The following MYO1D variants were observed in gnomAD, a reference collection of about 807,000 sequenced individuals.
MYO1D encodes the protein myosin ID, also known as unconventional myosin-Id.
In MYO1D, 83 loss-of-function variants were observed where a neutral mutation model predicts 122.0. The ratio of observed to expected loss-of-function variants is 0.68; its 90% CI spans 0.57 to 0.82. The LOEUF is 0.82. Among genes scored for constraint, MYO1D ranks in the 40% least tolerant of loss-of-function variants. The pLI is 0.00. For synonymous variants in MYO1D, 464 were observed against 446.9 expected, an observed-to-expected ratio of 1.04 and a Z score of -0.48; for missense variants, 1,157 against 1,269.5, an observed-to-expected ratio of 0.91 and a Z score of 1.35.
At chr17:32,836,083 T>C (rs1307271954) in intron 1 of MYO1D, among the ~76,000 whole-genome samples, 1 of 152,230 alleles carries the variant, frequency 6.6e-6, no homozygotes, top group Admixed American at 6.5e-5. Context: ...TTTGGTAAAT[T>C]AGTATTTTAA....
intron 20 of MYO1D, among the ~76,000 whole-genome samples, chr17:32,633,390 C>A (rs559945433): frequency 6.6e-6 from 1 of 152,166 alleles, no homozygotes; most frequent in South Asian, 2.1e-4. Flanking sequence ...CAATGAAGAG[C>A]TCTTCACTCT....
intron 19 of MYO1D, among the ~76,000 whole-genome samples, chr17:32,653,364 T>C (rs568162537): frequency 1.3e-5 from 2 of 151,814 alleles, no homozygotes; most frequent in East Asian, 3.9e-4. Flanking sequence ...CCCAGCACTT[T>C]AGGAGGCTGA....
At chr17:32,545,311 G>T (rs2086957065) in intron 21 of MYO1D, among the ~76,000 whole-genome samples, 1 of 152,200 alleles carries the variant, frequency 6.6e-6, no homozygotes, top group Non-Finnish European at 1.5e-5. Context: ...GGGTTATACA[G>T]GGTAAGTGAG....
chr17:32,790,713 T>C (rs750069181), intron 1 of MYO1D, among the ~76,000 whole-genome samples: 27 of 152,188 alleles, frequency 1.8e-4, no homozygotes, highest in Non-Finnish European at 5.9e-5. Context: ...TCACAGAATA[T>C]ATGGGTCTCA....
chr17:32,679,829 G>A (rs1022965426), intron 16 of MYO1D, among the ~76,000 whole-genome samples: 1 of 150,890 alleles, frequency 6.6e-6, no homozygotes, highest in South Asian at 2.1e-4. Context: ...GGATGGCATT[G>A]AATCTGTAAA....
At chr17:32,630,858 C>A (rs776161559) in intron 20 of MYO1D, among the ~76,000 whole-genome samples, 1 of 152,148 alleles carries the variant, frequency 6.6e-6, no homozygotes. Context: ...CAGGCATGAG[C>A]CACCACGCCC....
At chr17:32,624,786 C>CTTTTTT (rs11332360) in intron 20 of MYO1D, among the ~76,000 whole-genome samples, 3 of 140,254 alleles carry the variant, frequency 2.1e-5, no homozygotes, top group Non-Finnish European at 4.6e-5. Context: ...TTTTTTGTAT[C>CTTTTTT]TTTTTTTTTT....
chr17:32,824,148 T>C (rs999389121), intron 1 of MYO1D, among the ~76,000 whole-genome samples: 1 of 151,356 alleles, frequency 6.6e-6, no homozygotes, highest in Admixed American at 6.6e-5. Context: ...ATATCTGTCA[T>C]GTCAATAAAT....
At chr17:32,670,144 C>T (rs2150960015) in intron 16 of MYO1D, among the ~76,000 whole-genome samples, 1 of 152,228 alleles carries the variant, frequency 6.6e-6, no homozygotes, top group African/African-American at 2.4e-5. Context: ...AATCTGCCCT[C>T]ATTGGCCTCC....
At position 32,633,269 on chromosome 17, in the gene MYO1D, TAAC is replaced by T. The variant is rs573838892; in HGVS notation, c.2709+5450_2709+5452del. 7.2e-3 allele frequency among the ~76,000 whole-genome samples: 1,088 copies of T among 151,258 alleles called. 11 individuals are homozygous for T. Among genetic ancestry groups the T allele is most frequent in the African/African-American group, 0.022 (913 of 41,282 alleles). ...ATAAGAGCAGAGGTAAATGAAAAGA[TAAC>T]AAAATCAATAAGAGAGACAGACCTA... On this transcript the variant is annotated intron_variant, in intron 20 of 21. Coordinates refer to ENST00000318217, the MANE Select transcript of MYO1D (RefSeq NM_015194.3).
chr17:32,799,263 G>GA (rs1464778210), intron 1 of MYO1D, among the ~76,000 whole-genome samples: 4 of 152,166 alleles, frequency 2.6e-5, no homozygotes, highest in African/African-American at 9.7e-5. Context: ...CCCTGTAGCA[G>GA]AAATTAAATC....
chr17:32,711,655 A>AGG (rs1567961014), intron 16 of MYO1D, among the ~76,000 whole-genome samples: 2 of 152,102 alleles, frequency 1.3e-5, no homozygotes, highest in African/African-American at 4.8e-5. Flanking sequence ...CGGGGGGGAA[A>AGG]AAAAAAGTCC....
chr17:32,808,028 C>T (rs558089805), intron 1 of MYO1D, among the ~76,000 whole-genome samples: 12 of 152,272 alleles, frequency 7.9e-5, no homozygotes, highest in Non-Finnish European at 1.6e-4. Context: ...TTATCATTAA[C>T]ATCACCTTAC....
At chr17:32,785,720 C>T (rs1356709376) in intron 1 of MYO1D, among the ~76,000 whole-genome samples, 1 of 152,162 alleles carries the variant, frequency 6.6e-6, no homozygotes, top group African/African-American at 2.4e-5. Context: ...TTCTTTGAGC[C>T]ACGTTCTCTT....
At chr17:32,723,537 A>G (rs546907821) in intron 14 of MYO1D, among the ~76,000 whole-genome samples, 1 of 151,718 alleles carries the variant, frequency 6.6e-6, no homozygotes, top group Non-Finnish European at 1.5e-5. Flanking sequence ...GAGTCTCTAC[A>G]CCACTTCTCG....
chr17:32,829,293 T>C (rs1261161659), intron 1 of MYO1D, among the ~76,000 whole-genome samples: 2 of 152,220 alleles, frequency 1.3e-5, no homozygotes, highest in Non-Finnish European at 2.9e-5. Flanking sequence ...TATCAGAACA[T>C]CAGACAAAGT....
At chr17:32,805,177 A>G (rs1015200579) in intron 1 of MYO1D, among the ~76,000 whole-genome samples, 2 of 152,202 alleles carry the variant, frequency 1.3e-5, no homozygotes, top group Non-Finnish European at 2.9e-5. Context: ...ATGGATCCCA[A>G]CAGACACCAA....
chr17:32,627,117 C>A (rs1847491350), intron 20 of MYO1D, among the ~76,000 whole-genome samples: 3 of 152,000 alleles, frequency 2.0e-5, no homozygotes, highest in Admixed American at 1.3e-4. Flanking sequence ...TAATACAGCT[C>A]CCAGGACTAC....
chr17:32,619,022 G>A (rs551163682), intron 20 of MYO1D, among the ~76,000 whole-genome samples: 1 of 152,262 alleles, frequency 6.6e-6, no homozygotes, highest in South Asian at 2.1e-4. Flanking sequence ...AGACAAGCCA[G>A]ATACTTCCCT....
Sources: gnomAD v4.1 joint callset for allele counts (sites outside exome capture counted in the v4.1 genomes callset) on GRCh38, gnomAD v4.1.1 for gene constraint, MANE v1.5 for transcripts, NCBI Gene and HGNC (gene_info 2026-07-23, HGNC 2026-07-21) for gene names.